CRB1: variants seen among roughly 807,000 people sequenced by gnomAD.
CRB1 encodes crumbs cell polarity complex component 1, also known as protein crumbs homolog 1.
A neutral mutation model predicts 120.0 loss-of-function variants in CRB1; 83 were observed. The ratio of observed to expected loss-of-function variants is 0.69; its 90% CI spans 0.58 to 0.83. The LOEUF (loss-of-function observed/expected upper bound fraction) is 0.83, where lower values mean the gene tolerates loss of function less well. Ranked by LOEUF, CRB1 falls within the 40% of genes least tolerant of loss-of-function variation. The pLI is 0.00. For synonymous variants in CRB1, 625 were observed against 612.5 expected (o/e 1.02, Z -0.30); for missense variants, 1,699 against 1,687.6 (o/e 1.01, Z -0.12).
chr1:197,279,655 A>C (rs548079917), intron 1 of CRB1, among the ~76,000 whole-genome samples: 2 of 151,542 alleles, frequency 1.3e-5, no homozygotes, highest in East Asian at 3.9e-4. Context: ...GAACTACTTG[A>C]AGTTCAGAAT....
chr1:197,293,921 A>G (rs1656355429), intron 1 of CRB1, among the ~76,000 whole-genome samples: 1 of 152,208 alleles, frequency 6.6e-6, no homozygotes, highest in African/African-American at 2.4e-5. Context: ...TTCAAGATGG[A>G]TTAAAGACTT....
the CRB1 span, among the ~76,000 whole-genome samples, chr1:197,256,704 C>G: frequency 6.6e-6 from 1 of 151,764 alleles, no homozygotes. Context: ...CTTTATTCTA[C>G]TTCTCTCTAG....
chr1:197,209,131 T>C, the CRB1 span, among the ~76,000 whole-genome samples: 9 of 152,168 alleles, frequency 5.9e-5, no homozygotes, highest in Non-Finnish European at 1.0e-4. Context: ...GGCTGAGAAC[T>C]TACCCTAGGC....
chr1:197,355,632 G>A (rs1660430514), intron 4 of CRB1, among the ~76,000 whole-genome samples: 2 of 152,202 alleles, frequency 1.3e-5, no homozygotes, highest in South Asian at 4.1e-4. Context: ...CACAGCTGCT[G>A]GCCCGGGTGC....
intron 5 of CRB1, among the ~76,000 whole-genome samples, chr1:197,419,600 C>A (rs903967072): frequency 6.6e-6 from 1 of 151,928 alleles, no homozygotes; most frequent in Non-Finnish European, 1.5e-5. Context: ...TGGCCTTAAG[C>A]AATCCACCCA....
At chr1:197,286,953 G>A (rs1490533802) in intron 1 of CRB1, among the ~76,000 whole-genome samples, 1 of 151,840 alleles carries the variant, frequency 6.6e-6, no homozygotes, top group Non-Finnish European at 1.5e-5. Flanking sequence ...CTGCTTCATA[G>A]AGAATTAGAC....
chr1:197,257,524 G>C, the CRB1 span, among the ~76,000 whole-genome samples: 1 of 152,060 alleles, frequency 6.6e-6, no homozygotes, highest in Non-Finnish European at 1.5e-5. Flanking sequence ...ATAGCTATTT[G>C]TTATATAGTT....
At position 197,341,595 on chromosome 1, in the gene CRB1, C is replaced by G. The variant is rs532220501; in HGVS notation, c.653-2686C>G. Among the ~76,000 whole-genome samples the G allele has an allele frequency of 2.0e-5, 3 of 152,198 alleles. No individual in the cohort carries two copies. In the South Asian group the frequency reaches 6.2e-4, roughly 32 times the overall value. ...GGAGGTACAGAATGCTAATGTATAT[C>G]TACATTCGCTTATGTGAAAACGTCA... On this transcript the variant is annotated intron_variant, in intron 2 of 11. Transcript: ENST00000367400.
chr1:197,421,540 A>C lies in CRB1; in HGVS notation c.1712A>C (p.Glu571Ala), dbSNP rs773233587. The change falls in exon 6 of 12, where the codon GAG becomes GCG. Residue 571 changes from glutamate (E) to alanine (A), a missense_variant. Physicochemically the swap from Glu to Ala is moderately radical, Grantham distance 107 (BLOSUM62 -1). Coordinates refer to ENST00000367400, the MANE Select transcript of CRB1 (RefSeq NM_201253.3). ...NTSDGEWHFVEVIFAEAVTLT... is the reference protein window; with the variant it reads ...NTSDGEWHFVAVIFAEAVTLT... ...AGCGATGGAGAGTGGCATTTCGTGG[A>C]GGTAATATTTGCAGAGGCTGTGACC... 1.5e-5 allele frequency: 24 copies of C among 1,614,208 alleles called. No homozygotes were observed. Among genetic ancestry groups the C allele is most frequent in the Non-Finnish European group, 2.0e-5 (24 of 1,180,040 alleles).
chr1:197,390,859 T>C (rs1306560694), intron 5 of CRB1, among the ~76,000 whole-genome samples: 4 of 152,080 alleles, frequency 2.6e-5, no homozygotes, highest in African/African-American at 4.8e-5. Flanking sequence ...AAAACTTCCA[T>C]TTCTAGCCCG....
At chr1:197,305,849 C>T (rs1359919299) in intron 1 of CRB1, among the ~76,000 whole-genome samples, 1 of 148,654 alleles carries the variant, frequency 6.7e-6, no homozygotes, top group Non-Finnish European at 1.5e-5. Context: ...GAAAGATCTA[C>T]ATAATATAGG....
At chr1:197,201,843 G>GA in the CRB1 span, among the ~76,000 whole-genome samples, 2 of 151,320 alleles carry the variant, frequency 1.3e-5, no homozygotes, top group Non-Finnish European at 2.9e-5. Flanking sequence ...CGATTACTAA[G>GA]AAAAAAAATT....
chr1:197,226,241 C>T, the CRB1 span, among the ~76,000 whole-genome samples: 1 of 152,168 alleles, frequency 6.6e-6, no homozygotes, highest in Non-Finnish European at 1.5e-5. Context: ...ATCAAATATC[C>T]TTACAGGCTA....
chr1:197,297,162 C>T (rs557616239), intron 1 of CRB1, among the ~76,000 whole-genome samples: 2 of 151,862 alleles, frequency 1.3e-5, no homozygotes, highest in African/African-American at 2.4e-5. Flanking sequence ...TCATCTGAAA[C>T]GCCATCAACT....
At chr1:197,389,364 A>G (rs1380660708) in intron 5 of CRB1, among the ~76,000 whole-genome samples, 1 of 152,178 alleles carries the variant, frequency 6.6e-6, no homozygotes, top group Non-Finnish European at 1.5e-5. Context: ...TCAGGCTTAA[A>G]AAGCAAGGAC....
At chr1:197,208,646 T>C in the CRB1 span, among the ~76,000 whole-genome samples, 8 of 152,088 alleles carry the variant, frequency 5.3e-5, no homozygotes, top group Admixed American at 5.2e-4. Flanking sequence ...TGAGGGTACT[T>C]GGTTGTATTT....
intron 2 of CRB1, among the ~76,000 whole-genome samples, chr1:197,334,931 G>A (rs1163945715): frequency 6.6e-6 from 1 of 152,204 alleles, no homozygotes; most frequent in Non-Finnish European, 1.5e-5. Flanking sequence ...ACTGTATATA[G>A]TAGGTTAGAG....
the CRB1 span, among the ~76,000 whole-genome samples, chr1:197,225,577 G>A: frequency 6.6e-6 from 1 of 152,212 alleles, no homozygotes; most frequent in Non-Finnish European, 1.5e-5. Context: ...AATGTTAAGT[G>A]TAAGTGTTGT....
the CRB1 span, among the ~76,000 whole-genome samples, chr1:197,259,583 G>T: frequency 4.6e-5 from 7 of 152,144 alleles, no homozygotes; most frequent in Non-Finnish European, 7.3e-5. Flanking sequence ...TACATGTGGG[G>T]CTTGAAACCT....
Sources: gnomAD v4.1 joint callset for allele counts (sites outside exome capture counted in the v4.1 genomes callset) on GRCh38, gnomAD v4.1.1 for gene constraint, MANE v1.5 for transcripts, NCBI Gene and HGNC (gene_info 2026-07-23, HGNC 2026-07-21) for gene names.